Variants in ZNF799 observed in about 807,000 individuals in gnomAD.
ZNF799 encodes zinc finger protein 799, also known as zinc finger protein 14.
In ZNF799, 28 loss-of-function variants were observed where a neutral mutation model predicts 41.0. The observed-to-expected ratio is 0.68, with a 90% CI of 0.51 to 0.94. The LOEUF is 0.94. ZNF799 is among the 40% of genes least tolerant of loss of function. ZNF799 has a pLI of 0.00. For synonymous variants in ZNF799, 213 were observed against 252.9 expected (o/e 0.84, Z 1.50); for missense variants, 716 against 764.3 (o/e 0.94, Z 0.74).
At chr19:12,401,540 ACT>A (rs1969986320), upstream of ZNF799, among the ~76,000 whole-genome samples, 1 of 72,838 alleles carries the variant, frequency 1.4e-5, no homozygotes, top group Non-Finnish European at 2.6e-5. Flanking sequence ...AAACAATTAT[ACT>A]TTTTTTTTTT....
intron 3 of ZNF799, 51 bp downstream of exon 3, chr19:12,392,552 A>G: frequency 6.8e-7 from 1 of 1,467,110 alleles, no homozygotes; most frequent in East Asian, 2.3e-5. Flanking sequence ...TTTTCATATC[A>G]TTCTCAGAAC....
At chr19:12,406,441 G>A in the ZNF799 span, among the ~76,000 whole-genome samples, 1 of 149,794 alleles carries the variant, frequency 6.7e-6, no homozygotes, top group African/African-American at 2.4e-5. Flanking sequence ...CCGAGATCGC[G>A]CCACTGGACT....
upstream of ZNF799, among the ~76,000 whole-genome samples, chr19:12,403,533 T>TTTC (rs563847477): frequency 9.4e-4 from 143 of 151,838 alleles, 1 homozygote; most frequent in South Asian, 4.8e-3. Context: ...ATTTGAAGGT[T>TTTC]TTCTTCTTCT....
upstream of ZNF799, among the ~76,000 whole-genome samples, chr19:12,401,899 T>C (rs116920319): frequency 3.3e-5 from 5 of 152,232 alleles, no homozygotes; most frequent in South Asian, 1.0e-3. Flanking sequence ...TTCAATGAAA[T>C]TTTTCAAAAT....
chr19:12,397,172 C>G (rs78151943), intron 1 of ZNF799, among the ~76,000 whole-genome samples: 7,277 of 151,888 alleles, frequency 0.048, 204 homozygotes, highest in East Asian at 0.21. Context: ...TAAGCATTAC[C>G]CCAAAAGCCA....
chr19:12,412,170 G>A, the ZNF799 span, among the ~76,000 whole-genome samples: 1 of 152,044 alleles, frequency 6.6e-6, no homozygotes, highest in Admixed American at 6.6e-5. Flanking sequence ...CTGGACTCTG[G>A]GGAACTTGCG....
At chr19:12,398,852 A>G (rs866907762) in intron 1 of ZNF799, among the ~76,000 whole-genome samples, 14 of 152,282 alleles carry the variant, frequency 9.2e-5, no homozygotes, top group South Asian at 2.1e-4. Flanking sequence ...GAAATCATCC[A>G]AAAAACAAAC....
intron 1 of ZNF799, among the ~76,000 whole-genome samples, chr19:12,396,184 G>GA: frequency 6.6e-6 from 1 of 152,280 alleles, no homozygotes; most frequent in South Asian, 2.1e-4. Flanking sequence ...TCATCAATTG[G>GA]AAAAAATATA....
At chr19:12,398,919 T>A (rs1383687380) in intron 1 of ZNF799, among the ~76,000 whole-genome samples, 3 of 152,176 alleles carry the variant, frequency 2.0e-5, no homozygotes, top group African/African-American at 7.2e-5. Flanking sequence ...TAAAGGTTTT[T>A]AAAAAATGGA....
At chr19:12,412,097 C>T in the ZNF799 span, among the ~76,000 whole-genome samples, 1 of 152,206 alleles carries the variant, frequency 6.6e-6, no homozygotes, top group Non-Finnish European at 1.5e-5. Context: ...ACTTGCCTGA[C>T]TCACCCCCCA....
At chr19:12,397,524 C>A in intron 1 of ZNF799, among the ~76,000 whole-genome samples, 1 of 145,830 alleles carries the variant, frequency 6.9e-6, no homozygotes, top group Non-Finnish European at 1.5e-5. Context: ...ATGATTGCTC[C>A]ACTGCACTCT....
At chr19:12,410,426 G>A in the ZNF799 span, among the ~76,000 whole-genome samples, 2 of 151,600 alleles carry the variant, frequency 1.3e-5, no homozygotes, top group African/African-American at 2.4e-5. Flanking sequence ...GAACCATAAT[G>A]CCCAGCCTTA....
intron 1 of ZNF799, among the ~76,000 whole-genome samples, chr19:12,399,183 G>A (rs1432182291): frequency 1.3e-5 from 2 of 152,240 alleles, no homozygotes; most frequent in Non-Finnish European, 2.9e-5. Flanking sequence ...AAAGTCTAAT[G>A]CAACAATCAG....
At chr19:12,399,879 A>G (rs1012300937) in intron 1 of ZNF799, among the ~76,000 whole-genome samples, 15 of 151,444 alleles carry the variant, frequency 9.9e-5, no homozygotes, top group African/African-American at 2.7e-4. Context: ...GGAACTACTA[A>G]GATTAAGCAA....
chr19:12,411,937 G>C, the ZNF799 span, among the ~76,000 whole-genome samples: 1 of 151,972 alleles, frequency 6.6e-6, no homozygotes, highest in African/African-American at 2.4e-5. Context: ...AATTTGCTTT[G>C]AACACTCTCC....
At chr19:12,409,666 C>T in the ZNF799 span, among the ~76,000 whole-genome samples, 1 of 152,148 alleles carries the variant, frequency 6.6e-6, no homozygotes, top group African/African-American at 2.4e-5. Flanking sequence ...CCTACCTTAA[C>T]AAATTTAAAA....
At chr19:12,392,962 TAC>T (rs200943958) in intron 2 of ZNF799, among the ~76,000 whole-genome samples, 3,051 of 152,238 alleles carry the variant, frequency 0.02, 35 homozygotes, top group African/African-American at 0.07. Context: ...GAACAGTAAA[TAC>T]AGTTTCTCTT....
Position 12,390,266 on chromosome 19 carries a change from T to C in ZNF799, c.*200A>G, listed in dbSNP as rs2144880002. On this transcript the variant is annotated 3_prime_UTR_variant, in exon 4 of 4. Coordinates refer to ENST00000430385, the MANE Select transcript of ZNF799 (RefSeq NM_001080821.3). ...AAATATGTCATTTTATAAAAGGGAC[T>C]GGACATGGCTCACGGAGTGCTGGAA... 2.2e-6 allele frequency: 2 copies of C among 902,094 alleles called. No individual in the cohort carries two copies. Among genetic ancestry groups the C allele is most frequent in the South Asian group, 3.6e-5 (2 of 55,586 alleles). The allele number at this position is 902,094 out of a possible 1,614,324, so 55.9% of individuals were successfully genotyped here. A position where few individuals can be genotyped will look rare whatever the true frequency, so the allele number is the denominator to read the frequency against.
chr19:12,412,181 C>T, the ZNF799 span, among the ~76,000 whole-genome samples: 1 of 152,132 alleles, frequency 6.6e-6, no homozygotes, highest in Non-Finnish European at 1.5e-5. Flanking sequence ...GGAACTTGCG[C>T]ATACTTCCTT....
Sources: allele counts gnomAD v4.1 joint callset (sites outside exome capture counted in the v4.1 genomes callset), GRCh38; gene constraint gnomAD v4.1.1; transcripts MANE v1.5; gene names NCBI Gene and HGNC (gene_info 2026-07-23, HGNC 2026-07-21).